BMPR1B: variants seen among roughly 807,000 people sequenced by gnomAD.
The protein encoded by BMPR1B is bone morphogenetic protein receptor type 1B, also known as bone morphogenetic protein receptor type-1B.
Under a neutral mutation model 59.1 loss-of-function variants are expected in BMPR1B, and 12 were observed. The ratio of observed to expected loss-of-function variants is 0.20; its 90% CI spans 0.13 to 0.33. BMPR1B has a LOEUF of 0.33. Among genes scored for constraint, BMPR1B ranks in the 10% least tolerant of loss-of-function variants. The probability of loss-of-function intolerance (pLI) is 1.00; values close to 1 mark genes in which losing one functional copy is unlikely to be tolerated. For synonymous variants in BMPR1B, 237 were observed against 207.3 expected (o/e 1.14, Z -1.23); for missense variants, 550 against 610.9 (o/e 0.90, Z 1.05).
At chr4:95,092,560 ATATAC>A (rs774029385) in intron 3 of BMPR1B, among the ~76,000 whole-genome samples, 6 of 152,118 alleles carry the variant, frequency 3.9e-5, no homozygotes, top group African/African-American at 7.2e-5. Context: ...CTTGAAATAT[ATATAC>A]TATATTTTAT....
chr4:94,805,419 G>A (rs1172824589), intron 1 of BMPR1B, among the ~76,000 whole-genome samples: 1 of 152,072 alleles, frequency 6.6e-6, no homozygotes, highest in Non-Finnish European at 1.5e-5. Flanking sequence ...AAGTGTATTT[G>A]CAAAATTTAT....
intron 2 of BMPR1B, among the ~76,000 whole-genome samples, chr4:94,969,386 G>A (rs191041941): frequency 2.3e-4 from 35 of 152,212 alleles, no homozygotes; most frequent in African/African-American, 7.0e-4. Flanking sequence ...CACTGCGATC[G>A]CAGTCTGTCA....
chr4:95,081,989 T>G (rs1206779939), intron 3 of BMPR1B, among the ~76,000 whole-genome samples: 1 of 151,554 alleles, frequency 6.6e-6, no homozygotes, highest in African/African-American at 2.4e-5. Flanking sequence ...TTATACTTTT[T>G]TATTATTATT....
chr4:95,059,939 T>C (rs192385070), intron 3 of BMPR1B, among the ~76,000 whole-genome samples: 140 of 152,322 alleles, frequency 9.2e-4, no homozygotes, highest in African/African-American at 3.2e-3. Flanking sequence ...TTTTGGCCTG[T>C]CTGGTGGGAC....
intron 1 of BMPR1B, among the ~76,000 whole-genome samples, chr4:94,875,423 G>A (rs1726683161): frequency 6.6e-6 from 1 of 152,148 alleles, no homozygotes; most frequent in Admixed American, 6.5e-5. Context: ...GGTGGCTCAC[G>A]CTTGTAATCC....
At chr4:94,821,097 T>C (rs1043015664) in intron 1 of BMPR1B, among the ~76,000 whole-genome samples, 11 of 152,230 alleles carry the variant, frequency 7.2e-5, no homozygotes, top group Non-Finnish European at 1.6e-4. Flanking sequence ...TTTACACATA[T>C]ATTTCACAAC....
At chr4:95,065,983 TA>T (rs1319505402) in intron 3 of BMPR1B, among the ~76,000 whole-genome samples, 1 of 152,182 alleles carries the variant, frequency 6.6e-6, no homozygotes, top group Non-Finnish European at 1.5e-5. Context: ...GCTAAAAACT[TA>T]GCGCAGTAGC....
chr4:94,781,956 A>G (rs1401922167), intron 1 of BMPR1B, among the ~76,000 whole-genome samples: 1 of 151,936 alleles, frequency 6.6e-6, no homozygotes, highest in Non-Finnish European at 1.5e-5. Flanking sequence ...TTTTGCTATT[A>G]TGCAACCCAG....
intron 1 of BMPR1B, among the ~76,000 whole-genome samples, chr4:94,769,292 C>T (rs1424267109): frequency 6.6e-6 from 1 of 152,104 alleles, no homozygotes; most frequent in African/African-American, 2.4e-5. Context: ...TGATCTAGTC[C>T]TGCTCTAAAG....
At chr4:94,943,724 T>C (rs1403125286) in intron 2 of BMPR1B, among the ~76,000 whole-genome samples, 6 of 152,222 alleles carry the variant, frequency 3.9e-5, no homozygotes, top group African/African-American at 1.4e-4. Flanking sequence ...GGAAATGGAA[T>C]GCTGTAAATA....
rs566491739 is a variant in BMPR1B at position 94,914,008 on chromosome 4, CTG to C, written c.-113+38111_-113+38112del. Reference sequence around the variant, plus strand: ...CATTATTCAAATAATCATGGTAAAACTGTGAAATTTCAAGTCTAACAAGTGAT... The same window carrying C: ...CATTATTCAAATAATCATGGTAAAACTGAAATTTCAAGTCTAACAAGTGAT... On this transcript the variant is annotated intron_variant, in intron 2 of 12. Coordinates refer to ENST00000515059, the MANE Select transcript of BMPR1B (RefSeq NM_001203.3). 2.9e-3 allele frequency among the ~76,000 whole-genome samples: 438 copies of C among 152,212 alleles called. 1 individual carries two copies. The highest frequency in any genetic ancestry group is 4.6e-3 in the Non-Finnish European group (314 of 68,006).
chr4:95,145,382 C>G (rs577674118), intron 10 of BMPR1B, among the ~76,000 whole-genome samples: 66 of 152,306 alleles, frequency 4.3e-4, no homozygotes, highest in East Asian at 7.7e-4. Context: ...CTCCATAGCC[C>G]TCTGTGGACA....
At chr4:95,035,637 A>T (rs904603628) in intron 3 of BMPR1B, among the ~76,000 whole-genome samples, 1 of 152,086 alleles carries the variant, frequency 6.6e-6, no homozygotes, top group Non-Finnish European at 1.5e-5. Context: ...CCATTGGTCT[A>T]TGTGCCTGTT....
At position 94,837,970 on chromosome 4, in the gene BMPR1B, G is replaced by C. The variant is rs1287104554; in HGVS notation, c.-182-37861G>C. 6.3e-3 allele frequency among the ~76,000 whole-genome samples: 822 copies of C among 130,074 alleles called. 39 individuals carry two copies. Among genetic ancestry groups the C allele is most frequent in the African/African-American group, 0.024 (788 of 32,686 alleles). The allele number at this position is 130,074 out of a possible 152,430, so 85.3% of individuals were successfully genotyped here. A position where few individuals can be genotyped will look rare whatever the true frequency, so the allele number is the denominator to read the frequency against. ...TTTGTTGAGAGTTTTTAGCATGAAG[G>C]GTTGTTGAATTTTGTCAAAGGCTTT... is the stretch of plus-strand genomic sequence containing the variant. On this transcript the variant is annotated intron_variant, in intron 1 of 12. Coordinates refer to ENST00000515059, the MANE Select transcript of BMPR1B (RefSeq NM_001203.3).
intron 3 of BMPR1B, among the ~76,000 whole-genome samples, chr4:95,101,596 A>T (rs538156723): frequency 4.7e-4 from 71 of 152,234 alleles, no homozygotes; most frequent in Non-Finnish European, 8.4e-4. Context: ...TTCCCCCCAC[A>T]TTTGGCTTAA....
At chr4:95,109,447 T>C (rs954690324) in intron 4 of BMPR1B, among the ~76,000 whole-genome samples, 39 of 152,038 alleles carry the variant, frequency 2.6e-4, no homozygotes, top group African/African-American at 9.4e-4. Context: ...TCTTACTGAG[T>C]GTGGTGGTAT....
chr4:94,964,566 G>A (rs376702235), intron 2 of BMPR1B, among the ~76,000 whole-genome samples: 1 of 152,254 alleles, frequency 6.6e-6, no homozygotes, highest in South Asian at 2.1e-4. Flanking sequence ...TGTTAACACA[G>A]AAAGAATCTT....
At chr4:94,909,791 C>A (rs1240071521) in intron 2 of BMPR1B, among the ~76,000 whole-genome samples, 2 of 152,058 alleles carry the variant, frequency 1.3e-5, no homozygotes, top group African/African-American at 4.8e-5. Context: ...CCAAACCACT[C>A]AGAAACCACT....
intron 3 of BMPR1B, among the ~76,000 whole-genome samples, chr4:95,043,819 C>A (rs1220043160): frequency 6.6e-6 from 1 of 152,104 alleles, no homozygotes; most frequent in Admixed American, 6.5e-5. Flanking sequence ...AAAACACAAA[C>A]ATTAGAAGCC....
Sources: allele counts gnomAD v4.1 joint callset (sites outside exome capture counted in the v4.1 genomes callset), GRCh38; gene constraint gnomAD v4.1.1; transcripts MANE v1.5; gene names NCBI Gene and HGNC (gene_info 2026-07-23, HGNC 2026-07-21).